ZDHHC7: variants seen among roughly 807,000 people sequenced by gnomAD.
ZDHHC7 encodes the protein zDHHC palmitoyltransferase 7, also known as palmitoyltransferase ZDHHC7.
Under a neutral mutation model 34.1 loss-of-function variants are expected in ZDHHC7, and 12 were observed. The observed-to-expected ratio is 0.35, with a 90% CI of 0.23 to 0.57. The LOEUF (loss-of-function observed/expected upper bound fraction) is 0.57, where lower values mean the gene tolerates loss of function less well. ZDHHC7 is among the 20% of genes least tolerant of loss of function. The pLI, the probability that ZDHHC7 is intolerant of heterozygous loss-of-function variation, is 0.84. For missense variants in ZDHHC7, 388 were observed against 402.7 expected, an observed-to-expected ratio of 0.96 and a Z score of 0.31; for synonymous variants, 185 against 155.4, an observed-to-expected ratio of 1.19 and a Z score of -1.42.
chr16:84,976,248 T>C lies in ZDHHC7; in HGVS notation c.*95A>G. ...GCAATTGGTTTGTGTAGGTTCCAGT[T>C]GCCCTGTTGGTCACAGATGAGCTGT... On this transcript the variant is annotated 3_prime_UTR_variant, in exon 8 of 8. Coordinates refer to ENST00000313732, the MANE Select transcript of ZDHHC7 (RefSeq NM_017740.3). 6.7e-7 allele frequency: 1 copy of C among 1,488,370 alleles called. No homozygotes were observed. Among genetic ancestry groups the C allele is most frequent in the Non-Finnish European group, 9.2e-7 (1 of 1,092,122 alleles). The allele number at this position is 1,488,370 out of a possible 1,614,324, so 92.2% of individuals were successfully genotyped here.
intron 1 of ZDHHC7, among the ~76,000 whole-genome samples, chr16:84,999,674 G>A (rs555340438): frequency 6.6e-6 from 1 of 152,182 alleles, no homozygotes; most frequent in Non-Finnish European, 1.5e-5. Context: ...CGTTTATTTA[G>A]AAAGAAATCA....
chr16:85,008,502 A>ACCC (rs61339076), intron 1 of ZDHHC7, among the ~76,000 whole-genome samples: 17 of 137,328 alleles, frequency 1.2e-4, no homozygotes, highest in African/African-American at 3.7e-4. Context: ...CACCACCTAC[A>ACCC]CCCCCCCCCA....
the ZDHHC7 span, among the ~76,000 whole-genome samples, chr16:85,025,424 G>C: frequency 0.31 from 47,046 of 151,670 alleles, 7,699 homozygotes; most frequent in African/African-American, 0.4. Context: ...CTTTTTTGGG[G>C]GGGGGGACTA....
At chr16:85,021,582 G>C in the ZDHHC7 span, among the ~76,000 whole-genome samples, 1 of 151,828 alleles carries the variant, frequency 6.6e-6, no homozygotes, top group African/African-American at 2.4e-5. Flanking sequence ...GCTGGGCATG[G>C]TGGCATGCAC....
chr16:85,001,470 C>CAAAAAAAAAAAAAAAAAAAAAAAAAA (rs71151261), intron 1 of ZDHHC7, among the ~76,000 whole-genome samples: 5 of 95,334 alleles, frequency 5.2e-5, no homozygotes, highest in Admixed American at 1.3e-4. Flanking sequence ...GACCCTGTCT[C>CAAAAAAAAAAAAAAAAAAAAAAAAAA]AAAAAAAAAA....
At chr16:85,006,654 C>T (rs527580536) in intron 1 of ZDHHC7, among the ~76,000 whole-genome samples, 11 of 152,076 alleles carry the variant, frequency 7.2e-5, no homozygotes, top group Admixed American at 1.3e-4. Flanking sequence ...GTGGGAGGAT[C>T]GCTTCAGCCC....
chr16:84,986,353 C>G (rs986301337), intron 3 of ZDHHC7, among the ~76,000 whole-genome samples: 1 of 152,232 alleles, frequency 6.6e-6, no homozygotes, highest in Non-Finnish European at 1.5e-5. Context: ...CACACGGATG[C>G]TACACCTACG....
At chr16:85,009,856 C>A (rs896903748) in intron 1 of ZDHHC7, among the ~76,000 whole-genome samples, 1 of 151,656 alleles carries the variant, frequency 6.6e-6, no homozygotes, top group Non-Finnish European at 1.5e-5. Context: ...CTACAGGCGC[C>A]CACCACCATG....
chr16:84,992,606 C>G (rs1034211370), intron 2 of ZDHHC7, among the ~76,000 whole-genome samples: 2 of 152,212 alleles, frequency 1.3e-5, no homozygotes, highest in Non-Finnish European at 2.9e-5. Flanking sequence ...AAGGAAGAGA[C>G]AGTCAATTTC....
chr16:85,012,695 A>G (rs920692624), upstream of ZDHHC7, among the ~76,000 whole-genome samples: 24 of 152,248 alleles, frequency 1.6e-4, no homozygotes, highest in Admixed American at 1.1e-3. Flanking sequence ...ACCTGAGGTC[A>G]GGAGTTCGAA....
intron 4 of ZDHHC7, among the ~76,000 whole-genome samples, chr16:84,980,187 G>A (rs1050932027): frequency 2.7e-5 from 4 of 150,528 alleles, no homozygotes; most frequent in Admixed American, 2.0e-4. Context: ...GGATGGTCTC[G>A]ATCTCCTGAC....
At chr16:85,001,927 T>A (rs28776348) in intron 1 of ZDHHC7, among the ~76,000 whole-genome samples, 256 of 138,236 alleles carry the variant, frequency 1.9e-3, no homozygotes, top group Middle Eastern at 3.6e-3. Context: ...GCAAAAAAAA[T>A]AAATATATAT....
intron 1 of ZDHHC7, among the ~76,000 whole-genome samples, chr16:84,997,664 G>T (rs2072597715): frequency 2.6e-5 from 4 of 151,040 alleles, no homozygotes; most frequent in Admixed American, 2.0e-4. Flanking sequence ...GGAGGCTGAG[G>T]TGGGCGGATC....
upstream of ZDHHC7, among the ~76,000 whole-genome samples, chr16:85,012,212 G>C (rs1449883479): frequency 6.6e-6 from 1 of 151,730 alleles, no homozygotes; most frequent in East Asian, 2.0e-4. Context: ...GTGAAATTCC[G>C]TTTCTATTAA....
chr16:85,018,382 G>A, the ZDHHC7 span, among the ~76,000 whole-genome samples: 1 of 152,080 alleles, frequency 6.6e-6, no homozygotes, highest in African/African-American at 2.4e-5. Flanking sequence ...CAATCTCTTG[G>A]TCTGGCTGCT....
intron 1 of ZDHHC7, among the ~76,000 whole-genome samples, chr16:85,011,017 T>G (rs1339532058): frequency 6.6e-6 from 1 of 152,222 alleles, no homozygotes; most frequent in Non-Finnish European, 1.5e-5. Context: ...CTCGGAGAGC[T>G]GAGTGTCACG....
chr16:85,023,810 G>C, the ZDHHC7 span, among the ~76,000 whole-genome samples: 1 of 151,802 alleles, frequency 6.6e-6, no homozygotes, highest in Non-Finnish European at 1.5e-5. Flanking sequence ...GGTAGAGACG[G>C]GGTTTCACCA....
the ZDHHC7 span, among the ~76,000 whole-genome samples, chr16:85,017,790 AG>A: frequency 9.2e-4 from 140 of 152,316 alleles, no homozygotes; most frequent in African/African-American, 3.3e-3. Context: ...AAATAGTGAA[AG>A]CACAGTGATT....
intron 1 of ZDHHC7, among the ~76,000 whole-genome samples, chr16:85,007,386 G>A (rs530722549): frequency 7.1e-6 from 1 of 140,704 alleles, no homozygotes; most frequent in Admixed American, 7.7e-5. Flanking sequence ...CCACGCCACC[G>A]CACTCCAGCC....
Sources: allele counts gnomAD v4.1 joint callset (sites outside exome capture counted in the v4.1 genomes callset), GRCh38; gene constraint gnomAD v4.1.1; transcripts MANE v1.5; gene names NCBI Gene and HGNC (gene_info 2026-07-23, HGNC 2026-07-21).